OLFM3: variants seen among roughly 807,000 people sequenced by gnomAD.
OLFM3 encodes noelin-3.
OLFM3 carries 20 observed loss-of-function variants against 48.6 expected under a neutral mutation model. That is an observed-to-expected ratio of 0.41 (90% confidence interval 0.29 to 0.60). The LOEUF (loss-of-function observed/expected upper bound fraction) is 0.60, where lower values mean the gene tolerates loss of function less well. Among genes scored for constraint, OLFM3 ranks in the 20% least tolerant of loss-of-function variants. The probability of loss-of-function intolerance (pLI) is 0.28; values close to 1 mark genes in which losing one functional copy is unlikely to be tolerated. For synonymous variants in OLFM3, 222 were observed against 198.1 expected (o/e 1.12, Z -1.01); for missense variants, 437 against 544.3 (o/e 0.80, Z 1.96).
Position 101,830,693 on chromosome 1 carries a change from T to A in OLFM3, c.351A>T (p.Thr117=), listed in dbSNP as rs780295532. The change falls in exon 3 of 6, where the codon ACA becomes ACT. Residue 117 remains threonine (T), a synonymous_variant. Transcript: ENST00000370103. ...CTACCTGAAAATGCTTGGTCATAAG[T>A]GTCTTTCGATCATCTTCAATCTGCC... ...KFRQIEDDRK[T]LMTKHFQELK... is the part of the protein sequence containing the mutation. 1.2e-6 allele frequency: 2 copies of A among 1,614,064 alleles called. No individual in the cohort carries two copies. Among genetic ancestry groups the A allele is most frequent in the East Asian group, 2.2e-5 (1 of 44,890 alleles).
chr1:101,922,907 C>T (rs1348792958), intron 1 of OLFM3, among the ~76,000 whole-genome samples: 1 of 152,176 alleles, frequency 6.6e-6, no homozygotes, highest in Non-Finnish European at 1.5e-5. Context: ...GAGTACTGTA[C>T]TAAGCAGCTG....
intron 1 of OLFM3, among the ~76,000 whole-genome samples, chr1:101,842,526 G>C (rs1002523513): frequency 6.6e-6 from 1 of 152,136 alleles, no homozygotes; most frequent in African/African-American, 2.4e-5. Context: ...CAGCCTAGGT[G>C]ACAGAGTGAG....
chr1:101,894,748 A>G (rs1377214021), intron 1 of OLFM3, among the ~76,000 whole-genome samples: 1 of 152,186 alleles, frequency 6.6e-6, no homozygotes, highest in Non-Finnish European at 1.5e-5. Flanking sequence ...ACTAATACAG[A>G]TTGTAATTGT....
chr1:101,962,009 C>A lies in OLFM3; in HGVS notation c.69+34739G>T, dbSNP rs575950230. On this transcript the variant is annotated intron_variant, in intron 1 of 5. Coordinates refer to ENST00000370103, the MANE Select transcript of OLFM3 (RefSeq NM_058170.4). Reference sequence around the variant, plus strand: ...TTCTGTCAACATTTTTCATTTTATTCACCAAAATCTTCAAATTACTCAATT... The same window carrying A: ...TTCTGTCAACATTTTTCATTTTATTAACCAAAATCTTCAAATTACTCAATT... 4.6e-5 allele frequency among the ~76,000 whole-genome samples: 7 copies of A among 152,238 alleles called. No homozygotes were observed. The East Asian group carries it at 1.4e-3, about 29-fold the overall frequency.
At chr1:101,893,150 C>T (rs1235693187) in intron 1 of OLFM3, 2 of 249,510 alleles carry the variant, frequency 8.0e-6, no homozygotes, top group African/African-American at 2.3e-5. Context: ...GTGTTGTACA[C>T]CAGCTCTCAG....
intron 2 of OLFM3, among the ~76,000 whole-genome samples, chr1:101,834,826 C>G (rs1655324847): frequency 6.6e-6 from 1 of 152,098 alleles, no homozygotes; most frequent in Non-Finnish European, 1.5e-5. Flanking sequence ...ATGGAGTGGT[C>G]ATATTAATTT....
At chr1:101,909,478 G>A (rs551774027) in intron 1 of OLFM3, among the ~76,000 whole-genome samples, 16 of 152,134 alleles carry the variant, frequency 1.1e-4, no homozygotes, top group Admixed American at 3.3e-4. Context: ...GTTTGGGCTG[G>A]AACTTAACTA....
At position 101,802,675 on chromosome 1, in the gene OLFM3, A is replaced by G. The variant is rs1653544928; in HGVS notation, c.*1563T>C. 1 of 151,604 alleles carries G rather than the reference A, an allele frequency of 6.6e-6. No individual in the cohort carries two copies. Among genetic ancestry groups the G allele is most frequent in the African/African-American group, 2.4e-5 (1 of 41,376 alleles). The allele number at this position is 151,604 out of a possible 1,614,324, so 9.4% of individuals were successfully genotyped here. A position where few individuals can be genotyped will look rare whatever the true frequency, so the allele number is the denominator to read the frequency against. On this transcript the variant is annotated 3_prime_UTR_variant, in exon 6 of 6. Transcript: ENST00000370103. Reference sequence around the variant, plus strand: ...AAATGAATTACACTTAAATGTTAGGATTTCTTTACATGATGCTTTATCTAA... The same window carrying G: ...AAATGAATTACACTTAAATGTTAGGGTTTCTTTACATGATGCTTTATCTAA...
intron 1 of OLFM3, among the ~76,000 whole-genome samples, chr1:101,912,449 T>C (rs1658792063): frequency 6.6e-6 from 1 of 152,200 alleles, no homozygotes. Flanking sequence ...AACAACCCTA[T>C]GAGATAAATT....
intron 4 of OLFM3, among the ~76,000 whole-genome samples, chr1:101,808,689 T>C (rs980622694): frequency 6.6e-6 from 1 of 151,874 alleles, no homozygotes; most frequent in Non-Finnish European, 1.5e-5. Flanking sequence ...ATGACGTTGG[T>C]GGTTTCCCTG....
rs142691544 is a variant in OLFM3, at chr1:101,876,259, G to T, written c.70-39234C>A. Among the ~76,000 whole-genome samples, 302 of 152,036 alleles carry T rather than the reference G, an allele frequency of 2.0e-3. 1 individual carries two copies. Among genetic ancestry groups the T allele is most frequent in the Non-Finnish European group, 3.0e-3 (202 of 67,922 alleles). ...GCCACCTGCTCTGAACAGCCTTAGA[G>T]TGCAAACCATACTAAAGGGAATTGG... On this transcript the variant is annotated intron_variant, in intron 1 of 5. Coordinates refer to ENST00000370103, the MANE Select transcript of OLFM3 (RefSeq NM_058170.4).
chr1:101,969,728 T>C (rs113932907), intron 1 of OLFM3, among the ~76,000 whole-genome samples: 16 of 152,210 alleles, frequency 1.1e-4, no homozygotes, highest in African/African-American at 3.6e-4. Context: ...TTTTCCCTCT[T>C]TGGGCTTTTT....
chr1:101,921,614 C>T (rs765187693), intron 1 of OLFM3, among the ~76,000 whole-genome samples: 20 of 152,282 alleles, frequency 1.3e-4, no homozygotes, highest in Middle Eastern at 3.4e-3. Flanking sequence ...CTATCCTCAA[C>T]TACAGAGGGG....
intron 1 of OLFM3, among the ~76,000 whole-genome samples, chr1:101,964,598 T>A (rs1050379736): frequency 6.6e-6 from 1 of 152,168 alleles, no homozygotes; most frequent in African/African-American, 2.4e-5. Flanking sequence ...TTTCTAAACT[T>A]TATTTTTAGG....
chr1:101,964,055 C>T (rs989691289), intron 1 of OLFM3, among the ~76,000 whole-genome samples: 5 of 152,204 alleles, frequency 3.3e-5, no homozygotes, highest in African/African-American at 9.6e-5. Flanking sequence ...GCACAGCTTT[C>T]ACTTTCATTG....
chr1:101,968,478 G>C (rs888750955), intron 1 of OLFM3, among the ~76,000 whole-genome samples: 13 of 143,084 alleles, frequency 9.1e-5, no homozygotes, highest in Non-Finnish European at 1.9e-4. Flanking sequence ...TAGGAATGGG[G>C]TATCATCTAG....
At chr1:101,830,904 C>A (rs1484874493) in intron 2 of OLFM3, 77 bp from the exon 3 acceptor site, 2 of 1,352,302 alleles carry the variant, frequency 1.5e-6, no homozygotes, top group Non-Finnish European at 1.0e-6. Flanking sequence ...AGCAAAAATG[C>A]CGTTAACATA....
At chr1:101,938,710 A>C (rs1659697146) in intron 1 of OLFM3, among the ~76,000 whole-genome samples, 1 of 152,200 alleles carries the variant, frequency 6.6e-6, no homozygotes. Flanking sequence ...GCTTCCTGGC[A>C]CATACTAGAG....
intron 1 of OLFM3, among the ~76,000 whole-genome samples, chr1:101,944,873 CCACCT>C (rs1423133255): frequency 1.2e-5 from 1 of 86,710 alleles, no homozygotes; most frequent in Non-Finnish European, 2.6e-5. Flanking sequence ...GAGTGAGACT[CCACCT>C]CAAAAAAAAA....
Sources: gnomAD v4.1 joint callset for allele counts (sites outside exome capture counted in the v4.1 genomes callset) on GRCh38, gnomAD v4.1.1 for gene constraint, MANE v1.5 for transcripts, NCBI Gene and HGNC (gene_info 2026-07-23, HGNC 2026-07-21) for gene names.